The following SUGCT variants were observed in gnomAD, a reference collection of about 807,000 sequenced individuals.
SUGCT encodes succinyl-CoA:glutarate-CoA transferase.
SUGCT carries 41 observed loss-of-function variants against 55.0 expected under a neutral mutation model. The ratio of observed to expected loss-of-function variants is 0.74; its 90% CI spans 0.58 to 0.97. The LOEUF is 0.97. Among genes scored for constraint, SUGCT ranks in the 50% least tolerant of loss-of-function variants. SUGCT has a pLI of 0.00. For synonymous variants in SUGCT, 187 were observed against 200.4 expected, an observed-to-expected ratio of 0.93 and a Z score of 0.56; for missense variants, 568 against 547.8, an observed-to-expected ratio of 1.04 and a Z score of -0.37.
intron 9 of SUGCT, among the ~76,000 whole-genome samples, chr7:40,420,807 A>ACACACACACATGCACACACC (rs1787267564): frequency 1.3e-5 from 2 of 152,174 alleles, no homozygotes; most frequent in Non-Finnish European, 2.9e-5. Flanking sequence ...ACACAGACAC[A>ACACACACACATGCACACACC]CACACACACA....
At chr7:40,177,081 A>T (rs368027260) in intron 1 of SUGCT, among the ~76,000 whole-genome samples, 21 of 151,748 alleles carry the variant, frequency 1.4e-4, no homozygotes, top group East Asian at 7.7e-4. Context: ...TTAGGTTGTT[A>T]TTATATTGTT....
chr7:40,480,132 A>G (rs1393739618), intron 11 of SUGCT, among the ~76,000 whole-genome samples: 3 of 151,946 alleles, frequency 2.0e-5, no homozygotes, highest in Non-Finnish European at 4.4e-5. Context: ...ATCTTTTTCT[A>G]TTAGTTATAT....
At chr7:40,291,628 A>C (rs1449883887) in intron 8 of SUGCT, among the ~76,000 whole-genome samples, 1 of 151,064 alleles carries the variant, frequency 6.6e-6, no homozygotes, top group Non-Finnish European at 1.5e-5. Context: ...CACATTGTGC[A>C]CATGTACCCT....
rs1188476476 is a variant in SUGCT, at chr7:40,315,559, G to C, written c.721-1201G>C. ...AGTGAGTTTAAGTCCCAAGAATAAA[G>C]TAAAGGAGAATGGCTGCAGCAGCAA... On this transcript the variant is annotated intron_variant, in intron 8 of 13. Transcript: ENST00000335693. 2.0e-5 allele frequency among the ~76,000 whole-genome samples: 3 copies of C among 152,328 alleles called. No homozygotes were observed. In the East Asian group the frequency reaches 5.8e-4, roughly 29 times the overall value.
chr7:40,197,601 G>A (rs1306966249), intron 6 of SUGCT, among the ~76,000 whole-genome samples: 1 of 152,166 alleles, frequency 6.6e-6, no homozygotes, highest in Admixed American at 6.5e-5. Context: ...AGGGAAAGGT[G>A]GAGTGCAAGA....
intron 12 of SUGCT, among the ~76,000 whole-genome samples, chr7:40,497,494 G>A (rs970292648): frequency 1.3e-5 from 2 of 152,056 alleles, no homozygotes; most frequent in African/African-American, 2.4e-5. Flanking sequence ...GGTCAATAAT[G>A]GTCAATAAGT....
intron 11 of SUGCT, among the ~76,000 whole-genome samples, chr7:40,463,397 C>G (rs947095841): frequency 6.6e-6 from 1 of 152,128 alleles, no homozygotes; most frequent in Non-Finnish European, 1.5e-5. Flanking sequence ...CGTGAATTTC[C>G]TATTGTGTTT....
At chr7:40,743,559 T>G (rs1306108322) in intron 12 of SUGCT, among the ~76,000 whole-genome samples, 1 of 152,224 alleles carries the variant, frequency 6.6e-6, no homozygotes, top group African/African-American at 2.4e-5. Context: ...GGCAGTAAGC[T>G]TCTTGAGGGC....
At chr7:40,291,188 A>C (rs527867931) in intron 8 of SUGCT, among the ~76,000 whole-genome samples, 21 of 152,288 alleles carry the variant, frequency 1.4e-4, no homozygotes, top group African/African-American at 4.6e-4. Context: ...TCATGCTGCT[A>C]TAAAGACACA....
At chr7:40,507,104 A>G (rs1792650234) in intron 12 of SUGCT, among the ~76,000 whole-genome samples, 2 of 152,110 alleles carry the variant, frequency 1.3e-5, no homozygotes, top group South Asian at 4.1e-4. Context: ...TGTTGGTCAC[A>G]CTTTACTGTG....
intron 12 of SUGCT, among the ~76,000 whole-genome samples, chr7:40,727,145 T>A (rs373316763): frequency 6.6e-6 from 1 of 152,228 alleles, no homozygotes; most frequent in African/African-American, 2.4e-5. Context: ...AAGGATTTCT[T>A]GACCTGTGAG....
intron 8 of SUGCT, 108 bp from the exon 9 acceptor site, chr7:40,316,652 T>C (rs1795447363): frequency 6.0e-6 from 4 of 671,804 alleles, no homozygotes; most frequent in Non-Finnish European, 9.6e-6. Flanking sequence ...CAGGTTTTTT[T>C]CTTCTACAAT....
intron 9 of SUGCT, among the ~76,000 whole-genome samples, chr7:40,391,356 A>G (rs1785418714): frequency 6.6e-6 from 1 of 152,158 alleles, no homozygotes; most frequent in Non-Finnish European, 1.5e-5. Context: ...AACCTACAGA[A>G]TGGGAGAAAA....
chr7:40,928,896 G>A, the SUGCT span, among the ~76,000 whole-genome samples: 26 of 152,166 alleles, frequency 1.7e-4, no homozygotes, highest in African/African-American at 5.5e-4. Context: ...ACCCTGCCCG[G>A]CAAAACTCTA....
At chr7:40,965,396 T>G in the SUGCT span, 1 of 152,220 alleles carries the variant, frequency 6.6e-6, no homozygotes, top group Non-Finnish European at 1.5e-5. Context: ...CTTTCTTTCT[T>G]TTTTCCTTTA....
intron 13 of SUGCT, among the ~76,000 whole-genome samples, chr7:40,775,363 A>G (rs1285927926): frequency 2.6e-5 from 4 of 152,208 alleles, no homozygotes; most frequent in African/African-American, 9.7e-5. Flanking sequence ...GGTCTTTGGC[A>G]GGACATAGAG....
chr7:40,802,095 C>A (rs1310950426), intron 13 of SUGCT, among the ~76,000 whole-genome samples: 1 of 151,428 alleles, frequency 6.6e-6, no homozygotes, highest in Non-Finnish European at 1.5e-5. Flanking sequence ...AAATGGAGTA[C>A]AATTAAGCTA....
At chr7:40,548,985 G>A (rs777410803) in intron 12 of SUGCT, among the ~76,000 whole-genome samples, 5 of 152,040 alleles carry the variant, frequency 3.3e-5, no homozygotes, top group South Asian at 4.2e-4. Flanking sequence ...CTTGTTACCC[G>A]GAGGCCCTCA....
At position 40,362,426 on chromosome 7, in the gene SUGCT, C is replaced by A. The variant is rs543943658; in HGVS notation, c.816+45571C>A. ...AGAGCGAGAGTCCATCCCCGCCGCT[C>A]CCCCCTCAAAAAAAAAGGTAGTTCA... On this transcript the variant is annotated intron_variant, in intron 9 of 13. Transcript: ENST00000335693. Among the ~76,000 whole-genome samples the A allele has an allele frequency of 2.0e-5, 3 of 151,780 alleles. No homozygotes were observed. In the South Asian group the frequency reaches 6.3e-4, roughly 32 times the overall value.
Sources: gnomAD v4.1 joint callset for allele counts (sites outside exome capture counted in the v4.1 genomes callset) on GRCh38, gnomAD v4.1.1 for gene constraint, MANE v1.5 for transcripts, NCBI Gene and HGNC (gene_info 2026-07-23, HGNC 2026-07-21) for gene names.